Variants in FRAS1 observed in about 807,000 individuals in gnomAD.
FRAS1 encodes the protein Fraser extracellular matrix complex subunit 1.
FRAS1 carries 290 observed loss-of-function variants against 435.2 expected under a neutral mutation model. The ratio of observed to expected loss-of-function variants is 0.67; its 90% CI spans 0.61 to 0.73. The LOEUF is 0.73. Among genes scored for constraint, FRAS1 ranks in the 30% least tolerant of loss-of-function variants. The pLI is 0.00. For missense variants in FRAS1, 4,860 were observed against 5,001.5 expected, an observed-to-expected ratio of 0.97 and a Z score of 0.85; for synonymous variants, 1,800 against 1,851.0, an observed-to-expected ratio of 0.97 and a Z score of 0.71.
chr4:78,403,761 G>T (rs1317533503), intron 30 of FRAS1, among the ~76,000 whole-genome samples: 3 of 152,130 alleles, frequency 2.0e-5, no homozygotes, highest in African/African-American at 7.2e-5. Flanking sequence ...ATCGTTAATT[G>T]AAAATACACT....
Position 78,470,844 on chromosome 4 carries a change from G to C in FRAS1, c.7371+753G>C, listed in dbSNP as rs533530778. ...GGGAAGGAGGAAACAGAAAGAGAGG[G>C]GCAAGGAACTCCATATTAAGCAAGT... is the stretch of plus-strand genomic sequence containing the variant. On this transcript the variant is annotated intron_variant, in intron 51 of 73. Transcript: ENST00000512123. Among the ~76,000 whole-genome samples the C allele has an allele frequency of 1.8e-3, 277 of 152,002 alleles. 1 individual carries two copies. Among genetic ancestry groups the C allele is most frequent in the Non-Finnish European group, 2.9e-3 (196 of 68,012 alleles).
In FRAS1 at chr4:78,450,359, C is replaced by T; in HGVS notation, c.6463+20C>T. 6.2e-7 allele frequency: 1 copy of T among 1,608,488 alleles called. No individual in the cohort carries two copies. The highest frequency in any genetic ancestry group is 8.5e-7 in the Non-Finnish European group (1 of 1,174,974). The stretch of plus-strand genomic sequence containing the variant: ...GCCAAGGTCAGCCAGTTCTCTTCTG[C>T]CTACCAGGCTTCCGTGGACTGCACC... On this transcript the variant is annotated intron_variant, in intron 45 of 73. Coordinates refer to ENST00000512123, the MANE Select transcript of FRAS1 (RefSeq NM_025074.7).
intron 70 of FRAS1, among the ~76,000 whole-genome samples, chr4:78,529,995 C>T (rs1384690262): frequency 6.6e-6 from 1 of 152,122 alleles, no homozygotes; most frequent in East Asian, 1.9e-4. Context: ...ATCTCTGCTA[C>T]TCTTTTTTTT....
At chr4:78,421,819 A>T in intron 33 of FRAS1, 44 bp from the exon 34 acceptor site, 1 of 1,607,146 alleles carries the variant, frequency 6.2e-7, no homozygotes, top group African/African-American at 1.3e-5. Context: ...TCAGTCAGTG[A>T]TGAGAATTAC....
At chr4:78,114,534 A>T (rs921076551) in intron 2 of FRAS1, among the ~76,000 whole-genome samples, 2 of 151,954 alleles carry the variant, frequency 1.3e-5, no homozygotes, top group Non-Finnish European at 2.9e-5. Context: ...TCTCTTGAAG[A>T]GGTCCTTCAT....
chr4:78,297,580 C>T (rs980503395), intron 14 of FRAS1, among the ~76,000 whole-genome samples: 7 of 152,036 alleles, frequency 4.6e-5, no homozygotes, highest in Admixed American at 3.9e-4. Flanking sequence ...TTTTCATTTT[C>T]GAAATGAGTT....
intron 9 of FRAS1, among the ~76,000 whole-genome samples, chr4:78,277,751 C>A (rs1727126263): frequency 1.3e-5 from 2 of 151,722 alleles, no homozygotes; most frequent in Admixed American, 1.3e-4. Flanking sequence ...AATGATAAGA[C>A]TTGGAAAGTT....
chr4:78,468,641 A>G (rs1719611028), intron 50 of FRAS1, among the ~76,000 whole-genome samples: 1 of 152,172 alleles, frequency 6.6e-6, no homozygotes, highest in Admixed American at 6.5e-5. Flanking sequence ...AGAAATGTTG[A>G]TTCCCCTTCC....
chr4:78,408,307 T>A (rs1269960042), intron 31 of FRAS1, among the ~76,000 whole-genome samples: 1 of 152,130 alleles, frequency 6.6e-6, no homozygotes, highest in Non-Finnish European at 1.5e-5. Flanking sequence ...CTGATATGGA[T>A]TCCATATCAG....
At chr4:78,338,713 T>A (rs1471743522) in intron 20 of FRAS1, among the ~76,000 whole-genome samples, 2 of 152,112 alleles carry the variant, frequency 1.3e-5, no homozygotes, top group Non-Finnish European at 2.9e-5. Context: ...GGAAGAGGCA[T>A]GGCCAGTTGT....
intron 2 of FRAS1, among the ~76,000 whole-genome samples, chr4:78,140,739 A>G (rs1031397639): frequency 1.0e-4 from 15 of 147,786 alleles, no homozygotes; most frequent in Non-Finnish European, 1.9e-4. Context: ...ACGTGTGTGT[A>G]TATGTATATA....
chr4:78,180,469 TG>T (rs940205362), intron 2 of FRAS1, among the ~76,000 whole-genome samples: 1 of 152,178 alleles, frequency 6.6e-6, no homozygotes, highest in African/African-American at 2.4e-5. Context: ...AAAACCAGTT[TG>T]TAATTGGGGG....
In FRAS1 at chr4:78,523,455, A is replaced by G. The variant is rs1180672374; in HGVS notation, c.10808+647A>G. The stretch of plus-strand genomic sequence containing the variant: ...GGTAGAATAGGAATTTAACAACTAT[A>G]GTAAAATATCCCCCATCTGTAAAAG... On this transcript the variant is annotated intron_variant, in intron 69 of 73. Transcript: ENST00000512123. Among the ~76,000 whole-genome samples, 3 of 152,224 alleles carry G rather than the reference A, an allele frequency of 2.0e-5. No individual in the cohort carries two copies. In the East Asian group the frequency reaches 5.8e-4, roughly 29 times the overall value.
chr4:78,182,220 C>T (rs181028384), intron 2 of FRAS1, among the ~76,000 whole-genome samples: 19 of 152,326 alleles, frequency 1.2e-4, no homozygotes, highest in African/African-American at 4.3e-4. Context: ...AGCAAAAGCT[C>T]AGGATGCCAT....
intron 60 of FRAS1, 46 bp from the exon 61 acceptor site, chr4:78,499,675 T>C: frequency 6.5e-7 from 1 of 1,543,986 alleles, no homozygotes; most frequent in Non-Finnish European, 8.9e-7. Flanking sequence ...CTGAATCCTT[T>C]GTGCTATTCT....
chr4:78,407,441 CT>C (rs1242639599), intron 30 of FRAS1, among the ~76,000 whole-genome samples: 2 of 152,106 alleles, frequency 1.3e-5, no homozygotes, highest in Admixed American at 6.6e-5. Flanking sequence ...CCTTGAATGA[CT>C]TTTAGTTCTT....
intron 10 of FRAS1, 33 bp from the exon 11 acceptor site, chr4:78,281,365 T>C (rs1260265485): frequency 3.2e-5 from 48 of 1,489,200 alleles, no homozygotes; most frequent in Non-Finnish European, 4.0e-5. Context: ...GTGTTTTTAG[T>C]GGCATAATAA....
chr4:78,281,508 G>T, intron 11 of FRAS1, 75 bp downstream of exon 11: 1 of 938,726 alleles, frequency 1.1e-6, no homozygotes, highest in Non-Finnish European at 1.6e-6. Context: ...GAAATATCAT[G>T]GGGAAACTTA....
At chr4:78,406,323 T>A (rs1578303365) in intron 30 of FRAS1, among the ~76,000 whole-genome samples, 1 of 152,352 alleles carries the variant, frequency 6.6e-6, no homozygotes, top group East Asian at 1.9e-4. Flanking sequence ...TGTATTAGTC[T>A]GTTTTCACAC....
Sources: allele counts gnomAD v4.1 joint callset (sites outside exome capture counted in the v4.1 genomes callset), GRCh38; gene constraint gnomAD v4.1.1; transcripts MANE v1.5; gene names NCBI Gene and HGNC (gene_info 2026-07-23, HGNC 2026-07-21).